The following MAP1B variants were observed in gnomAD, a reference collection of about 807,000 sequenced individuals.
MAP1B encodes the protein microtubule-associated protein 1B.
In MAP1B, 12 loss-of-function variants were observed where a neutral mutation model predicts 176.1. The observed-to-expected ratio is 0.07, with a 90% CI of 0.04 to 0.11. The LOEUF (loss-of-function observed/expected upper bound fraction) is 0.11. MAP1B is among the 10% of genes least tolerant of loss of function. MAP1B has a pLI of 1.00. For synonymous variants in MAP1B, 1,044 were observed against 1,135.0 expected, an observed-to-expected ratio of 0.92 and a Z score of 1.61; for missense variants, 2,523 against 2,990.5, an observed-to-expected ratio of 0.84 and a Z score of 3.65.
rs769290690 is a variant in MAP1B, at chr5:72,115,811, G to A, written c.286+12G>A. Reference sequence around the variant, plus strand: ...TCCTGAAGTCCCAGGTGAGGCTTCCGCTCAGTGTTGGTCAGCCTAGAATTC... The same window carrying A: ...TCCTGAAGTCCCAGGTGAGGCTTCCACTCAGTGTTGGTCAGCCTAGAATTC... On this transcript the variant is annotated intron_variant, in intron 2 of 6. Transcript: ENST00000296755. 27 of 1,582,480 alleles carry A rather than the reference G, an allele frequency of 1.7e-5. No individual in the cohort carries two copies. The highest frequency in any genetic ancestry group is 2.2e-5 in the East Asian group (1 of 44,694).
At chr5:72,117,225 C>G (rs1745450313) in intron 2 of MAP1B, among the ~76,000 whole-genome samples, 1 of 152,086 alleles carries the variant, frequency 6.6e-6, no homozygotes, top group South Asian at 2.1e-4. Context: ...AAGGTTGTTT[C>G]TCTTGTTGTT....
At chr5:72,133,864 T>C (rs1360800143) in intron 2 of MAP1B, among the ~76,000 whole-genome samples, 1 of 152,240 alleles carries the variant, frequency 6.6e-6, no homozygotes, top group Non-Finnish European at 1.5e-5. Flanking sequence ...TTCAGGATTA[T>C]GGTTTCTTTG....
At chr5:72,107,963 G>C (rs1431326781) in intron 1 of MAP1B, among the ~76,000 whole-genome samples, 1 of 152,218 alleles carries the variant, frequency 6.6e-6, no homozygotes, top group Non-Finnish European at 1.5e-5. Flanking sequence ...CGCAGCCTGT[G>C]CTGAGTTGGC....
chr5:72,203,656 G>C lies in MAP1B; in HGVS notation c.7106G>C (p.Ser2369Thr). 6.2e-7 allele frequency: 1 copy of C among 1,614,164 alleles called. No homozygotes were observed. The highest frequency in any genetic ancestry group is 8.5e-7 in the Non-Finnish European group (1 of 1,180,012). Residue 2369 changes from serine to threonine, a missense_variant, in exon 6 of 7, where the codon AGT (serine) becomes ACT (threonine). By Grantham distance (58) the Ser-to-Thr change is moderately conservative. Transcript: ENST00000296755. ...DLCYIPNHSN[S>T]KNVDVEFFKR... is the part of the protein sequence containing the mutation. ...TGCTACATTCCTAACCACAGCAATA[G>C]TAAGAATGTTGATGTGGAATTTTTC...
intron 2 of MAP1B, chr5:72,179,869 G>T: frequency 1.0e-6 from 1 of 985,488 alleles, no homozygotes; most frequent in Non-Finnish European, 1.2e-6. Context: ...TTGAATTCCT[G>T]GGCAAACTGG....
At chr5:72,141,928 G>A (rs1745955216) in intron 2 of MAP1B, among the ~76,000 whole-genome samples, 1 of 152,178 alleles carries the variant, frequency 6.6e-6, no homozygotes, top group South Asian at 2.1e-4. Flanking sequence ...CCTGCATCTT[G>A]GAGCAAGGAA....
At chr5:72,178,677 C>T (rs1746700131) in intron 2 of MAP1B, among the ~76,000 whole-genome samples, 3 of 151,566 alleles carry the variant, frequency 2.0e-5, no homozygotes, top group Admixed American at 2.0e-4. Flanking sequence ...TATTCTTCAA[C>T]TACCATTTCT....
intron 5 of MAP1B, among the ~76,000 whole-genome samples, chr5:72,201,912 C>T (rs1747340533): frequency 6.6e-6 from 1 of 152,154 alleles, no homozygotes; most frequent in African/African-American, 2.4e-5. Flanking sequence ...ACCCTTTCAT[C>T]TGAAAGAGTT....
intron 2 of MAP1B, among the ~76,000 whole-genome samples, chr5:72,122,658 T>A (rs1745550763): frequency 6.6e-6 from 1 of 151,038 alleles, no homozygotes; most frequent in African/African-American, 2.4e-5. Context: ...TTTTTTTTTT[T>A]AAGAGTGGAA....
At position 72,196,726 on chromosome 5, in the gene MAP1B, T is replaced by C; in HGVS notation, c.3371T>C (p.Ile1124Thr). 1 of 1,614,144 alleles carries C rather than the reference T, an allele frequency of 6.2e-7. No individual in the cohort carries two copies. Among genetic ancestry groups the C allele is most frequent in the Non-Finnish European group, 8.5e-7 (1 of 1,180,014 alleles). The change falls in exon 5 of 7, where the codon ATT becomes ACT. Residue 1124 changes from isoleucine to threonine, a missense_variant. Transcript: ENST00000296755. This position sits in a 1 kb window ranked among gnomAD's most constrained non-coding sequence, Gnocchi z 5.3. ...ACCTCTGGCTACACTCAGTCTACTA[T>C]TGAGATATCCAGTGAGCCCACCCCC... The part of the protein sequence containing the change: ...TATSGYTQST[I>T]EISSEPTPMD...
At chr5:72,119,967 G>C (rs1745497401) in intron 2 of MAP1B, among the ~76,000 whole-genome samples, 1 of 152,168 alleles carries the variant, frequency 6.6e-6, no homozygotes. Flanking sequence ...TTACCATGCT[G>C]TACAGGGTTT....
intron 2 of MAP1B, among the ~76,000 whole-genome samples, chr5:72,143,668 G>A (rs1010246786): frequency 2.0e-4 from 31 of 152,140 alleles, no homozygotes; most frequent in African/African-American, 7.5e-4. Flanking sequence ...ATCATCAACT[G>A]GGTGGCGTAA....
At position 72,198,836 on chromosome 5, in the gene MAP1B, A is replaced by C. The variant is rs1747250661; in HGVS notation, c.5481A>C (p.Ala1827=). The change falls in exon 5 of 7, where the codon GCA becomes GCC. Residue 1827 remains alanine (A), a synonymous_variant. Coordinates refer to ENST00000296755, the MANE Select transcript of MAP1B (RefSeq NM_005909.5). ...SSSPPIDAAS[A]EPYGFRASVL... ...CTCCACCAATAGATGCAGCATCCGCAGAGCCCTATGGCTTCCGTGCCTCAG... is the reference window on the plus strand; with the variant it reads ...CTCCACCAATAGATGCAGCATCCGCCGAGCCCTATGGCTTCCGTGCCTCAG... The C allele has an allele frequency of 1.2e-6, 2 of 1,614,258 alleles. No homozygotes were observed. Among genetic ancestry groups the C allele is most frequent in the Non-Finnish European group, 1.7e-6 (2 of 1,180,046 alleles).
At position 72,130,392 on chromosome 5, in the gene MAP1B, T is replaced by A. The variant is rs75920759; in HGVS notation, c.286+14593T>A. 6.4e-3 allele frequency among the ~76,000 whole-genome samples: 971 copies of A among 152,304 alleles called. 10 individuals carry two copies. The highest frequency in any genetic ancestry group is 0.022 in the African/African-American group (928 of 41,580). On this transcript the variant is annotated intron_variant, in intron 2 of 6. Transcript: ENST00000296755. ...AATTAATGGCCCTTGATAAAGAGCCTTAGAATAGTGCCAGGCATGTGGGCT... is the reference window on the plus strand; with the variant it reads ...AATTAATGGCCCTTGATAAAGAGCCATAGAATAGTGCCAGGCATGTGGGCT...
chr5:72,169,064 A>G (rs544812228), intron 2 of MAP1B, among the ~76,000 whole-genome samples: 1 of 152,330 alleles, frequency 6.6e-6, no homozygotes, highest in South Asian at 2.1e-4. Context: ...AGCAAAAAAT[A>G]TGGTTTGGGG....
In MAP1B at chr5:72,160,003, G is replaced by A. The variant is rs572921782; in HGVS notation, c.287-23740G>A. 3.9e-3 allele frequency among the ~76,000 whole-genome samples: 592 copies of A among 152,266 alleles called. 5 individuals are homozygous for A. Among genetic ancestry groups the A allele is most frequent in the Non-Finnish European group, 6.6e-3 (452 of 68,004 alleles). On this transcript the variant is annotated intron_variant, in intron 2 of 6. Coordinates refer to ENST00000296755, the MANE Select transcript of MAP1B (RefSeq NM_005909.5). ...CTCCAGCGTCTTGTAGAGCTAAAAT[G>A]TGATGACTCTTTTAGTTTGTATGGA...
intron 1 of MAP1B, among the ~76,000 whole-genome samples, chr5:72,111,219 A>G (rs1326070827): frequency 1.3e-5 from 2 of 152,188 alleles, no homozygotes; most frequent in Non-Finnish European, 2.9e-5. Context: ...CGTGTCTTGC[A>G]AACTGAATTC....
At chr5:72,122,505 T>A (rs527963714) in intron 2 of MAP1B, among the ~76,000 whole-genome samples, 43 of 152,236 alleles carry the variant, frequency 2.8e-4, no homozygotes, top group Middle Eastern at 6.8e-3. Context: ...TACAAGGGAA[T>A]TTTTTCCCTT....
intron 2 of MAP1B, among the ~76,000 whole-genome samples, chr5:72,129,044 A>G (rs949953318): frequency 1.3e-5 from 2 of 152,216 alleles, no homozygotes; most frequent in Admixed American, 6.5e-5. Flanking sequence ...ACCAAAAGGT[A>G]AGAGAGATGA....
Sources: gnomAD v4.1 joint callset for allele counts (sites outside exome capture counted in the v4.1 genomes callset) on GRCh38, gnomAD v4.1.1 for gene constraint, Gnocchi (gnomAD v3.1) non-coding constraint, MANE v1.5 for transcripts, NCBI Gene and HGNC (gene_info 2026-07-23, HGNC 2026-07-21) for gene names.